The following ERC1 variants were observed in gnomAD, a reference collection of about 807,000 sequenced individuals.
ERC1 encodes RAB6 interacting protein 2.
Under a neutral mutation model 132.0 loss-of-function variants are expected in ERC1, and 56 were observed. The observed-to-expected ratio is 0.42, with a 90% CI of 0.34 to 0.53. The LOEUF (loss-of-function observed/expected upper bound fraction) is 0.53. Ranked by LOEUF, ERC1 falls within the 20% of genes least tolerant of loss-of-function variation. The pLI is 0.03. For missense variants in ERC1, 1,202 were observed against 1,349.9 expected (o/e 0.89, Z 1.72); for synonymous variants, 478 against 476.1 (o/e 1.00, Z -0.05).
chr12:1,334,251 TC>T (rs1221799345), intron 15 of ERC1, among the ~76,000 whole-genome samples: 3 of 152,250 alleles, frequency 2.0e-5, no homozygotes, highest in Non-Finnish European at 4.4e-5. Context: ...ATCCTGTTCA[TC>T]AATTTTTGCT....
At chr12:1,251,059 T>C (rs1275585500) in intron 13 of ERC1, among the ~76,000 whole-genome samples, 1 of 152,106 alleles carries the variant, frequency 6.6e-6, no homozygotes, top group East Asian at 1.9e-4. Flanking sequence ...ATTTGTGTTT[T>C]TCTCTGTAAT....
chr12:1,043,380 G>A (rs1396807038), intron 2 of ERC1, among the ~76,000 whole-genome samples: 2 of 152,096 alleles, frequency 1.3e-5, no homozygotes, highest in African/African-American at 4.8e-5. Context: ...CAGGTAAAAG[G>A]TTATTTACTT....
chr12:1,267,573 A>G (rs1010373031), intron 14 of ERC1, among the ~76,000 whole-genome samples: 2 of 152,194 alleles, frequency 1.3e-5, no homozygotes, highest in Admixed American at 1.3e-4. Context: ...AACCTGTACG[A>G]CAATGCGAGG....
intron 2 of ERC1, among the ~76,000 whole-genome samples, chr12:1,032,477 A>G (rs533418470): frequency 1.4e-4 from 21 of 152,208 alleles, no homozygotes; most frequent in Non-Finnish European, 2.5e-4. Context: ...CTCATCCTTT[A>G]TTCTACCACT....
In ERC1 at chr12:1,217,998, A is replaced by C. The variant is rs1958585491; in HGVS notation, c.2352-18771A>C. Among the ~76,000 whole-genome samples the C allele has an allele frequency of 2.0e-5, 3 of 152,300 alleles. No homozygotes were observed. The South Asian group carries it at 6.2e-4, about 32-fold the overall frequency. On this transcript the variant is annotated intron_variant, in intron 12 of 18. Transcript: ENST00000360905. Reference sequence around the variant, plus strand: ...GGCCACAGATCTCAAATTGCTCCTAATTCTGCAGGCAGTCCTAATTAAGAG... The same window carrying C: ...GGCCACAGATCTCAAATTGCTCCTACTTCTGCAGGCAGTCCTAATTAAGAG...
At chr12:1,338,565 C>T (rs2083503166) in intron 15 of ERC1, among the ~76,000 whole-genome samples, 1 of 152,168 alleles carries the variant, frequency 6.6e-6, no homozygotes, top group Admixed American at 6.5e-5. Flanking sequence ...CGGTTCAGAA[C>T]CCTTGCTGGA....
intron 8 of ERC1, among the ~76,000 whole-genome samples, chr12:1,144,614 G>GTATATATATATATATATATATA (rs142846830): frequency 6.4e-4 from 85 of 132,252 alleles, no homozygotes; most frequent in African/African-American, 1.7e-3. Flanking sequence ...GAATTTTGTG[G>GTATATATATATATATATATATA]TATATATATA....
intron 16 of ERC1, among the ~76,000 whole-genome samples, chr12:1,396,333 G>T (rs759235188): frequency 7.9e-5 from 12 of 152,182 alleles, no homozygotes; most frequent in African/African-American, 2.7e-4. Context: ...AATATATGTC[G>T]TCCTTAATCG....
intron 18 of ERC1, among the ~76,000 whole-genome samples, chr12:1,463,759 T>C (rs7132978): frequency 0.26 from 38,334 of 149,600 alleles, 9,289 homozygotes; most frequent in African/African-American, 0.64. Flanking sequence ...GAAACACTAT[T>C]GAGTAGTTTT....
intron 17 of ERC1, among the ~76,000 whole-genome samples, chr12:1,429,639 G>T (rs1034128812): frequency 6.6e-6 from 1 of 152,174 alleles, no homozygotes; most frequent in Non-Finnish European, 1.5e-5. Context: ...ACTGCTAAAT[G>T]ATGGATTTTC....
At chr12:1,196,888 GTCTC>G (rs1208341760) in intron 12 of ERC1, among the ~76,000 whole-genome samples, 1 of 69,490 alleles carries the variant, frequency 1.4e-5, no homozygotes, top group African/African-American at 4.5e-5. Flanking sequence ...CTGTCTGTCT[GTCTC>G]TCTCTGTCTC....
chr12:1,118,370 ATATTCT>A lies in ERC1; in HGVS notation c.1569+2342_1569+2347del, dbSNP rs1946688564. 2.0e-5 allele frequency among the ~76,000 whole-genome samples: 3 copies of A among 152,112 alleles called. No homozygotes were observed. The South Asian group carries it at 6.2e-4, about 32-fold the overall frequency. ...CTTCTCTTTGTACCCCCCTCAAATAATATTCTTATTAGCCAGGTCTCACCCAGATGG... is the reference window on the plus strand; with the variant it reads ...CTTCTCTTTGTACCCCCCTCAAATAATATTAGCCAGGTCTCACCCAGATGG... On this transcript the variant is annotated intron_variant, in intron 7 of 18. Coordinates refer to ENST00000360905, the MANE Select transcript of ERC1 (RefSeq NM_178040.4).
intron 2 of ERC1, among the ~76,000 whole-genome samples, chr12:1,072,018 T>G (rs1214758281): frequency 1.3e-5 from 2 of 151,906 alleles, no homozygotes; most frequent in East Asian, 3.8e-4. Context: ...TGAGAATCGC[T>G]TGAACCTGGG....
chr12:1,283,823 A>G (rs961156869), intron 14 of ERC1, among the ~76,000 whole-genome samples: 2 of 152,228 alleles, frequency 1.3e-5, no homozygotes, highest in African/African-American at 4.8e-5. Context: ...TACATGTGAT[A>G]TTTTGATATA....
chr12:1,065,558 T>C (rs1169100124), intron 2 of ERC1, among the ~76,000 whole-genome samples: 1 of 143,358 alleles, frequency 7.0e-6, no homozygotes, highest in Non-Finnish European at 1.5e-5. Context: ...TCATTATTTT[T>C]CATTTTTTTC....
At chr12:1,238,327 C>A (rs763438285) in intron 13 of ERC1, among the ~76,000 whole-genome samples, 1 of 151,958 alleles carries the variant, frequency 6.6e-6, no homozygotes, top group Non-Finnish European at 1.5e-5. Context: ...GTTTTCCTCC[C>A]ATGGATTTTT....
chr12:1,297,414 G>T (rs1398568921), intron 15 of ERC1, among the ~76,000 whole-genome samples: 1 of 151,548 alleles, frequency 6.6e-6, no homozygotes, highest in Non-Finnish European at 1.5e-5. Context: ...AAGAACACCA[G>T]ACATGGGCCG....
intron 17 of ERC1, among the ~76,000 whole-genome samples, chr12:1,419,367 G>T (rs2092331041): frequency 6.6e-6 from 1 of 151,358 alleles, no homozygotes; most frequent in South Asian, 2.1e-4. Context: ...ATACGTCCTG[G>T]ATACATTTCT....
At chr12:1,012,075 A>G (rs1964770695) in intron 1 of ERC1, among the ~76,000 whole-genome samples, 1 of 152,242 alleles carries the variant, frequency 6.6e-6, no homozygotes, top group African/African-American at 2.4e-5. Context: ...TTCTCAATGA[A>G]GTGAGTACTA....
Sources: allele counts gnomAD v4.1 joint callset (sites outside exome capture counted in the v4.1 genomes callset), GRCh38; gene constraint gnomAD v4.1.1; transcripts MANE v1.5; gene names NCBI Gene and HGNC (gene_info 2026-07-23, HGNC 2026-07-21).